TTC1: variants seen among roughly 807,000 people sequenced by gnomAD.
TTC1 encodes tetratricopeptide repeat protein 1.
A neutral mutation model predicts 37.6 loss-of-function variants in TTC1; 31 were observed. The observed-to-expected ratio is 0.82, with a 90% CI of 0.62 to 1.11. The LOEUF (loss-of-function observed/expected upper bound fraction) is 1.11, where lower values mean the gene tolerates loss of function less well. Among genes scored for constraint, TTC1 ranks in the 50% most tolerant of loss-of-function variants. The probability of loss-of-function intolerance (pLI) is 0.00; values close to 1 mark genes in which losing one functional copy is unlikely to be tolerated. For synonymous variants in TTC1, 127 were observed against 122.4 expected (o/e 1.04, Z -0.25); for missense variants, 351 against 339.0 (o/e 1.04, Z -0.28).
chr5:160,019,098 G>C (rs1756657310), intron 2 of TTC1, among the ~76,000 whole-genome samples: 1 of 152,174 alleles, frequency 6.6e-6, no homozygotes, highest in Non-Finnish European at 1.5e-5. Flanking sequence ...TGCAGATTTA[G>C]TCATTTCAAT....
At position 160,049,565 on chromosome 5, in the gene TTC1, T is replaced by A. The variant is rs1400768670; in HGVS notation, c.593T>A (p.Leu198Ter). 2 of 1,611,136 alleles carry A rather than the reference T, an allele frequency of 1.2e-6. No homozygotes were observed. The highest frequency in any genetic ancestry group is 2.2e-5 in the East Asian group (1 of 44,748). The change falls in exon 6 of 8, where the codon TTG (leucine) becomes TAG (stop). Residue 198 changes from leucine to a stop codon, truncating the protein, a stop_gained. Coordinates refer to ENST00000231238, the MANE Select transcript of TTC1 (RefSeq NM_003314.3). LOFTEE classifies it high-confidence loss of function. ...AGGGCAATATTGAGGAGAGCAGAGT[T>A]GTATGAGAAGACGGACAAGCTAGAT... ...YIRAILRRAE[L>*]YEKTDKLDEA... is the part of the protein sequence containing the mutation.
At chr5:160,053,246 TC>T (rs1757450857) in intron 7 of TTC1, among the ~76,000 whole-genome samples, 1 of 152,196 alleles carries the variant, frequency 6.6e-6, no homozygotes, top group South Asian at 2.1e-4. Flanking sequence ...TTATGCTAGT[TC>T]CTGTTAAAAT....
chr5:160,039,392 A>G (rs1330532855), intron 4 of TTC1, among the ~76,000 whole-genome samples: 5 of 149,806 alleles, frequency 3.3e-5, no homozygotes, highest in Non-Finnish European at 7.4e-5. Context: ...GTCACTATAT[A>G]TTATGTATAC....
chr5:160,029,466 A>ACC (rs201530964), intron 2 of TTC1, among the ~76,000 whole-genome samples: 2 of 115,352 alleles, frequency 1.7e-5, no homozygotes, highest in East Asian at 2.4e-4. Flanking sequence ...ACATAGTGAG[A>ACC]CCCCCCCATC....
intron 2 of TTC1, among the ~76,000 whole-genome samples, chr5:160,029,550 A>C (rs1021997655): frequency 3.3e-5 from 5 of 150,602 alleles, no homozygotes; most frequent in Admixed American, 3.3e-4. Flanking sequence ...GGGGAAGCTG[A>C]GGTGGGAGGA....
intron 2 of TTC1, among the ~76,000 whole-genome samples, chr5:160,018,814 A>G (rs1326651167): frequency 6.6e-6 from 1 of 152,202 alleles, no homozygotes; most frequent in African/African-American, 2.4e-5. Context: ...GCTCTAATGC[A>G]GTAGCCCAGT....
chr5:160,052,548 CAAAAAAAAAAAAA>C (rs557157232), intron 7 of TTC1, among the ~76,000 whole-genome samples: 18 of 68,096 alleles, frequency 2.6e-4, no homozygotes, highest in South Asian at 7.3e-4. Flanking sequence ...TCTATTTTAG[CAAAAAAAAAAAAA>C]AAAAAAAAAA....
chr5:160,015,788 C>A (rs377496965), intron 2 of TTC1, among the ~76,000 whole-genome samples: 1 of 152,170 alleles, frequency 6.6e-6, no homozygotes, highest in African/African-American at 2.4e-5. Flanking sequence ...ACCATTCAGT[C>A]GGAATCATAG....
chr5:160,054,876 T>C (rs1331982796), intron 7 of TTC1, among the ~76,000 whole-genome samples: 3 of 152,118 alleles, frequency 2.0e-5, no homozygotes, highest in African/African-American at 7.2e-5. Flanking sequence ...AAAAAAAACA[T>C]TTAAAAGTAA....
chr5:160,064,870 T>C (rs2113431390), intron 7 of TTC1, 62 bp from the exon 8 acceptor site: 1 of 1,537,314 alleles, frequency 6.5e-7, no homozygotes, highest in Non-Finnish European at 8.8e-7. Flanking sequence ...GCAAGATTAA[T>C]TGGTACCTTC....
intron 2 of TTC1, among the ~76,000 whole-genome samples, chr5:160,012,071 A>G (rs769648398): frequency 1.8e-4 from 27 of 152,344 alleles, no homozygotes; most frequent in Non-Finnish European, 3.8e-4. Flanking sequence ...TTCATAAACT[A>G]CCACAGCAAA....
At chr5:160,036,420 C>T (rs1229406045) in intron 3 of TTC1, 2 of 301,764 alleles carry the variant, frequency 6.6e-6, no homozygotes, top group African/African-American at 4.2e-5. Context: ...TGCCAGGACT[C>T]CTGAGTATTG....
chr5:160,015,592 C>T (rs1033424227), intron 2 of TTC1, among the ~76,000 whole-genome samples: 3 of 152,184 alleles, frequency 2.0e-5, no homozygotes, highest in African/African-American at 7.2e-5. Context: ...CCAGAGAGGG[C>T]GTGGCAGCTC....
intron 7 of TTC1, among the ~76,000 whole-genome samples, chr5:160,062,510 G>A (rs758472040): frequency 6.6e-6 from 1 of 152,232 alleles, no homozygotes; most frequent in Non-Finnish European, 1.5e-5. Context: ...ATTGTGCATA[G>A]AAGCTACTTT....
Position 160,010,509 on chromosome 5 carries a change from C to T in TTC1, c.-20C>T. The T allele has an allele frequency of 6.3e-7, 1 of 1,599,002 alleles. No individual in the cohort carries two copies. Among genetic ancestry groups the T allele is most frequent in the South Asian group, 1.1e-5 (1 of 90,534 alleles). On this transcript the variant is annotated 5_prime_UTR_variant, in exon 2 of 8. Coordinates refer to ENST00000231238, the MANE Select transcript of TTC1 (RefSeq NM_003314.3). ...TTTTGTTTTCCCCCAGCTTTAGCGT[C>T]ACCTCCCTCACTGGGCAGCATGGGG... is the stretch of plus-strand genomic sequence containing the variant.
intron 7 of TTC1, among the ~76,000 whole-genome samples, chr5:160,058,643 C>T (rs1420994426): frequency 1.3e-5 from 2 of 151,754 alleles, no homozygotes; most frequent in African/African-American, 4.8e-5. Context: ...GATCTCCTGA[C>T]CTCGTGATCC....
chr5:160,062,646 G>C (rs921731006), intron 7 of TTC1, among the ~76,000 whole-genome samples: 2 of 152,112 alleles, frequency 1.3e-5, no homozygotes, highest in Non-Finnish European at 2.9e-5. Context: ...AATGGCCCTG[G>C]GCTCAGTGGA....
At chr5:160,016,245 G>T (rs1244564075) in intron 2 of TTC1, among the ~76,000 whole-genome samples, 1 of 152,148 alleles carries the variant, frequency 6.6e-6, no homozygotes, top group Non-Finnish European at 1.5e-5. Flanking sequence ...AGGTATGGCG[G>T]TGCACACCTA....
chr5:160,051,210 T>A (rs1345114126), intron 7 of TTC1, 27 bp downstream of exon 7: 2 of 1,591,126 alleles, frequency 1.3e-6, no homozygotes, highest in Non-Finnish European at 1.7e-6. Flanking sequence ...CTTTGCTTGA[T>A]CATAAACAGC....
Sources: gnomAD v4.1 joint callset for allele counts (sites outside exome capture counted in the v4.1 genomes callset) on GRCh38, gnomAD v4.1.1 for gene constraint, MANE v1.5 for transcripts, NCBI Gene and HGNC (gene_info 2026-07-23, HGNC 2026-07-21) for gene names.